CLEC19A: variants seen among roughly 807,000 people sequenced by gnomAD.
CLEC19A encodes C-type lectin domain family 19 member A.
A neutral mutation model predicts 26.1 loss-of-function variants in CLEC19A; 21 were observed. The observed-to-expected ratio is 0.80, with a 90% CI of 0.57 to 1.16. CLEC19A has a LOEUF of 1.16. Among genes scored for constraint, CLEC19A ranks in the 50% most tolerant of loss-of-function variants. The pLI is 0.00. For synonymous variants in CLEC19A, 89 were observed against 88.6 expected, an observed-to-expected ratio of 1.00 and a Z score of -0.03; for missense variants, 224 against 227.6, an observed-to-expected ratio of 0.98 and a Z score of 0.10.
chr16:19,307,817 G>A (rs760013625), intron 4 of CLEC19A, 140 bp downstream of exon 4: 4 of 1,127,538 alleles, frequency 3.5e-6, no homozygotes, highest in Non-Finnish European at 5.0e-6. Context: ...GGAGAGCGGT[G>A]GAGGTCACTA....
At chr16:19,298,520 C>A in intron 1 of CLEC19A, 153 bp from the exon 2 acceptor site, 2 of 755,232 alleles carry the variant, frequency 2.6e-6, no homozygotes, top group South Asian at 1.9e-5. Context: ...GAGCTATGAT[C>A]AAACCACTGC....
intron 3 of CLEC19A, among the ~76,000 whole-genome samples, chr16:19,304,608 G>A (rs1206145388): frequency 6.6e-6 from 1 of 152,056 alleles, no homozygotes; most frequent in Non-Finnish European, 1.5e-5. Flanking sequence ...GGCTGAGGCA[G>A]GAGAATTGCT....
intron 3 of CLEC19A, among the ~76,000 whole-genome samples, chr16:19,305,742 A>G (rs1897938616): frequency 6.6e-6 from 1 of 152,226 alleles, no homozygotes; most frequent in East Asian, 1.9e-4. Flanking sequence ...GGTGCTTAGC[A>G]TATTATAGGA....
chr16:19,294,874 G>GT (rs1897673017), intron 1 of CLEC19A, among the ~76,000 whole-genome samples: 2 of 152,168 alleles, frequency 1.3e-5, no homozygotes, highest in Admixed American at 6.5e-5. Flanking sequence ...TTGCTGTGCT[G>GT]TGGGGTTATT....
At chr16:19,295,430 T>C (rs1417733600) in intron 1 of CLEC19A, among the ~76,000 whole-genome samples, 2 of 152,166 alleles carry the variant, frequency 1.3e-5, no homozygotes, top group Non-Finnish European at 2.9e-5. Flanking sequence ...CTTGAACTCC[T>C]GGACTCAAGC....
chr16:19,294,987 A>G (rs894365357), intron 1 of CLEC19A, among the ~76,000 whole-genome samples: 1 of 152,050 alleles, frequency 6.6e-6, no homozygotes, highest in Non-Finnish European at 1.5e-5. Context: ...GAGTTGTTCA[A>G]TATAGGATGT....
chr16:19,289,287 C>A (rs1294065525), intron 1 of CLEC19A, among the ~76,000 whole-genome samples: 4 of 152,168 alleles, frequency 2.6e-5, no homozygotes, highest in Admixed American at 6.5e-5. Flanking sequence ...ACTTAGTATG[C>A]GATGACTCTG....
At chr16:19,293,940 T>C (rs1013842157) in intron 1 of CLEC19A, among the ~76,000 whole-genome samples, 2 of 152,154 alleles carry the variant, frequency 1.3e-5, no homozygotes, top group African/African-American at 4.8e-5. Flanking sequence ...TTGTTAAATG[T>C]ACAATAAAGT....
At chr16:19,297,685 G>A (rs576291528) in intron 1 of CLEC19A, among the ~76,000 whole-genome samples, 44 of 152,194 alleles carry the variant, frequency 2.9e-4, no homozygotes, top group African/African-American at 9.2e-4. Context: ...AATGACATGG[G>A]GGAAATGCTT....
chr16:19,309,162 A>G lies in CLEC19A; in HGVS notation c.*79A>G. 1.0e-6 allele frequency: 1 copy of G among 997,814 alleles called. No homozygotes were observed. Among genetic ancestry groups the G allele is most frequent in the Non-Finnish European group, 1.5e-6 (1 of 652,926 alleles). The allele number at this position is 997,814 out of a possible 1,614,324, so 61.8% of individuals were successfully genotyped here. ...AACCAGTGTAGAATTGACATTGAATACATGTAAAACATACATAGGAAGTAA... is the reference window on the plus strand; with the variant it reads ...AACCAGTGTAGAATTGACATTGAATGCATGTAAAACATACATAGGAAGTAA... On this transcript the variant is annotated 3_prime_UTR_variant, in exon 5 of 5. Coordinates refer to ENST00000636231, the MANE Select transcript of CLEC19A (RefSeq NM_001256720.2).
At chr16:19,306,559 T>C (rs1897960075) in intron 3 of CLEC19A, among the ~76,000 whole-genome samples, 1 of 152,130 alleles carries the variant, frequency 6.6e-6, no homozygotes, top group Non-Finnish European at 1.5e-5. Flanking sequence ...TATAATTACA[T>C]TAAATCAGAG....
intron 2 of CLEC19A, 86 bp from the exon 3 acceptor site, chr16:19,303,976 G>T (rs1897890532): frequency 9.6e-6 from 11 of 1,146,066 alleles, no homozygotes; most frequent in Non-Finnish European, 1.4e-5. Flanking sequence ...GTCCAGGAAG[G>T]TAAATATGGA....
intron 2 of CLEC19A, among the ~76,000 whole-genome samples, chr16:19,300,634 T>C (rs896381279): frequency 6.6e-6 from 1 of 152,084 alleles, no homozygotes; most frequent in African/African-American, 2.4e-5. Context: ...CCAACAGATG[T>C]ATTGAACAAC....
chr16:19,293,147 G>A (rs1897625249), intron 1 of CLEC19A, among the ~76,000 whole-genome samples: 1 of 152,164 alleles, frequency 6.6e-6, no homozygotes, highest in Admixed American at 6.5e-5. Context: ...ATTATTTTTG[G>A]CAAATTATCC....
intron 1 of CLEC19A, among the ~76,000 whole-genome samples, chr16:19,295,201 TTTG>T (rs200971751): frequency 0.016 from 2,472 of 151,794 alleles, 47 homozygotes; most frequent in Admixed American, 0.039. Flanking sequence ...CTCTCAGGGT[TTTG>T]TTGTTGTTGT....
chr16:19,304,348 G>A (rs1219826363), intron 3 of CLEC19A, 193 bp downstream of exon 3: 2 of 527,462 alleles, frequency 3.8e-6, no homozygotes, highest in Non-Finnish European at 6.9e-6. Flanking sequence ...ACTAAATGAT[G>A]GGAACAGATA....
chr16:19,301,735 G>GTTTTTTTTTT (rs750529291), intron 2 of CLEC19A, among the ~76,000 whole-genome samples: 2,178 of 34,774 alleles, frequency 0.063, 199 homozygotes, highest in East Asian at 0.078. Context: ...AGGTTTTTTT[G>GTTTTTTTTTT]GTTTTTTTTT....
At chr16:19,300,549 A>C (rs1038120856) in intron 2 of CLEC19A, among the ~76,000 whole-genome samples, 1 of 32,308 alleles carries the variant, frequency 3.1e-5, no homozygotes, top group African/African-American at 2.7e-4. Context: ...TCCTATCTCA[A>C]AAAAAAAAAA....
At position 19,298,851 on chromosome 16, in the gene CLEC19A, C is replaced by T; in HGVS notation, c.254+13C>T. 6.5e-7 allele frequency: 1 copy of T among 1,547,360 alleles called. No homozygotes were observed. Among genetic ancestry groups the T allele is most frequent in the South Asian group, 1.2e-5 (1 of 83,674 alleles). On this transcript the variant is annotated intron_variant, in intron 2 of 4. Coordinates refer to ENST00000636231, the MANE Select transcript of CLEC19A (RefSeq NM_001256720.2). ...CCTCCATCCACAGGTAAGTGGGATC[C>T]CCAGTGCCCCATAGTTCAACTAAGC...
Sources: gnomAD v4.1 joint callset for allele counts (sites outside exome capture counted in the v4.1 genomes callset) on GRCh38, gnomAD v4.1.1 for gene constraint, MANE v1.5 for transcripts, NCBI Gene and HGNC (gene_info 2026-07-23, HGNC 2026-07-21) for gene names.